Variants in CD8B observed in about 807,000 individuals in gnomAD.
CD8B encodes T-cell surface glycoprotein CD8 beta chain.
In CD8B, 6 loss-of-function variants were observed where a neutral mutation model predicts 24.2. The observed-to-expected ratio is 0.25, with a 90% CI of 0.14 to 0.49. The LOEUF is 0.49. Among genes scored for constraint, CD8B ranks in the 20% least tolerant of loss-of-function variants. The pLI, the probability that CD8B is intolerant of heterozygous loss-of-function variation, is 0.98. For synonymous variants in CD8B, 84 were observed against 108.3 expected (o/e 0.78, Z 1.39); for missense variants, 196 against 271.3 (o/e 0.72, Z 1.95).
intron 4 of CD8B, among the ~76,000 whole-genome samples, chr2:86,845,922 A>G (rs1675650644): frequency 1.3e-5 from 2 of 152,160 alleles, no homozygotes; most frequent in Admixed American, 1.3e-4. Context: ...GTGACCTACA[A>G]AAGTTAAGAG....
downstream of CD8B, among the ~76,000 whole-genome samples, chr2:86,835,846 C>T (rs990859475): frequency 7.9e-5 from 12 of 151,014 alleles, no homozygotes; most frequent in East Asian, 1.2e-3. Flanking sequence ...CTGGTCTGTC[C>T]GGGGCTGGCA....
intron 1 of CD8B, among the ~76,000 whole-genome samples, chr2:86,861,219 G>A (rs1004781542): frequency 2.0e-5 from 3 of 152,016 alleles, no homozygotes; most frequent in African/African-American, 7.2e-5. Flanking sequence ...TATTCAGAAG[G>A]ACAATCCAGA....
chr2:86,857,850 G>A (rs1676349969), intron 2 of CD8B, among the ~76,000 whole-genome samples: 1 of 152,186 alleles, frequency 6.6e-6, no homozygotes, highest in African/African-American at 2.4e-5. Context: ...TTCCAGGGTG[G>A]TTGGCAGCAT....
chr2:86,837,148 C>A (rs546635647), downstream of CD8B, among the ~76,000 whole-genome samples: 1 of 152,330 alleles, frequency 6.6e-6, no homozygotes, highest in East Asian at 1.9e-4. Context: ...CAGAGCAACA[C>A]CCTGTCTCAA....
chr2:86,855,111 C>T (rs1023673713), intron 2 of CD8B, among the ~76,000 whole-genome samples: 2 of 148,630 alleles, frequency 1.3e-5, no homozygotes, highest in African/African-American at 5.0e-5. Context: ...ACAGTGACTC[C>T]GTCTCAAAAA....
At chr2:86,820,661 T>C (rs1235649016) in intron 5 of CD8B, among the ~76,000 whole-genome samples, 3 of 152,230 alleles carry the variant, frequency 2.0e-5, no homozygotes, top group African/African-American at 7.2e-5. Flanking sequence ...ATTTGCTTTA[T>C]TGTGGTGGTC....
intron 5 of CD8B, chr2:86,843,699 G>T (rs1001114027): frequency 1.0e-6 from 1 of 985,196 alleles, no homozygotes; most frequent in African/African-American, 1.7e-5. Context: ...TTACTGAAGT[G>T]ACTTGAGCTT....
At chr2:86,843,988 A>G (rs1472448724) in intron 5 of CD8B, among the ~76,000 whole-genome samples, 1 of 152,210 alleles carries the variant, frequency 6.6e-6, no homozygotes, top group African/African-American at 2.4e-5. Flanking sequence ...ATTTCTGTAT[A>G]GAGGGGGTTG....
intron 1 of CD8B, 81 bp downstream of exon 1, chr2:86,861,742 G>A: frequency 5.5e-6 from 6 of 1,093,160 alleles, no homozygotes; most frequent in Admixed American, 4.2e-5. Context: ...CCAGGACCAG[G>A]GCCAGGACAG....
intron 4 of CD8B, among the ~76,000 whole-genome samples, chr2:86,846,479 G>A (rs1298905376): frequency 6.6e-6 from 1 of 152,142 alleles, no homozygotes; most frequent in Non-Finnish European, 1.5e-5. Flanking sequence ...TCAAACCCAG[G>A]TTTGCCTGAC....
At chr2:86,849,588 T>C (rs1675870746) in intron 3 of CD8B, among the ~76,000 whole-genome samples, 2 of 152,134 alleles carry the variant, frequency 1.3e-5, no homozygotes, top group Admixed American at 1.3e-4. Flanking sequence ...GGAAACCTTC[T>C]AAAACTAGAT....
At chr2:86,856,629 G>A (rs1676277112) in intron 2 of CD8B, among the ~76,000 whole-genome samples, 1 of 152,020 alleles carries the variant, frequency 6.6e-6, no homozygotes, top group Non-Finnish European at 1.5e-5. Context: ...TGAGCAGGAA[G>A]CAGGGCAGTG....
rs959584271 is a variant in CD8B at position 86,841,498 on chromosome 2, A to G, written c.*809T>C. 1.5e-6 allele frequency: 1 copy of G among 674,320 alleles called. No homozygotes were observed. Among genetic ancestry groups the G allele is most frequent in the African/African-American group, 2.0e-5 (1 of 49,622 alleles). 41.8% of individuals were successfully genotyped at this position (674,320 alleles called of 1,614,324 possible). On this transcript the variant is annotated 3_prime_UTR_variant, in exon 6 of 6. Transcript: ENST00000390655. ...TCAGGTGCAAAAGGAGGATGTACAA[A>G]TTTTCTCCTTCTGGTTTCTGTTCCA...
intron 5 of CD8B, among the ~76,000 whole-genome samples, chr2:86,829,280 G>A (rs1674816733): frequency 6.6e-6 from 1 of 151,330 alleles, no homozygotes. Context: ...CTAATTTTTT[G>A]CATTTTAGTA....
Position 86,858,403 on chromosome 2 carries a change from G to A in CD8B, c.57C>T (p.Asn19=). Residue 19 remains asparagine (N), a synonymous_variant, in exon 2 of 6, where the codon AAC becomes AAT. Transcript: ENST00000390655. ...ATGCAGGGGTCTGCTGGAGGACTGA[G>A]TTGCCATGGAGAACTAGGAAAAGCC... ...LAAQLTVLHG[N]SVLQQTPAYI... is the part of the protein sequence containing the mutation. The A allele has an allele frequency of 1.3e-6, 2 of 1,591,622 alleles. No individual in the cohort carries two copies. The highest frequency in any genetic ancestry group is 1.7e-6 in the Non-Finnish European group (2 of 1,166,144).
At chr2:86,822,621 A>G (rs956745380) in intron 5 of CD8B, among the ~76,000 whole-genome samples, 1 of 152,376 alleles carries the variant, frequency 6.6e-6, no homozygotes, top group East Asian at 1.9e-4. Context: ...TTTTTAAAAC[A>G]TTAGAAGAAA....
In CD8B at chr2:86,839,024, C is replaced by G. The variant is rs549690035; in HGVS notation, c.*3283G>C. ...AATGCTCACCTTCAAACCTCATGCTCCCTCCTAATGACCACCACTGGACCA... is the reference window on the plus strand; with the variant it reads ...AATGCTCACCTTCAAACCTCATGCTGCCTCCTAATGACCACCACTGGACCA... On this transcript the variant is annotated 3_prime_UTR_variant, in exon 6 of 6. Coordinates refer to ENST00000390655, the MANE Select transcript of CD8B (RefSeq NM_004931.5). Among the ~76,000 whole-genome samples, 153 of 152,330 alleles carry G rather than the reference C, an allele frequency of 1.0e-3. No individual in the cohort carries two copies. Among genetic ancestry groups the G allele is most frequent in the Middle Eastern group, 3.4e-3 (1 of 294 alleles).
intron 5 of CD8B, among the ~76,000 whole-genome samples, chr2:86,829,095 CTTTTTT>C (rs746569858): frequency 4.8e-5 from 4 of 82,992 alleles, no homozygotes; most frequent in Admixed American, 1.9e-4. Flanking sequence ...ATGCTCTTTA[CTTTTTT>C]TTTTTTTTTT....
At chr2:86,856,651 G>A (rs1573527101) in intron 2 of CD8B, among the ~76,000 whole-genome samples, 1 of 151,808 alleles carries the variant, frequency 6.6e-6, no homozygotes, top group South Asian at 2.1e-4. Context: ...GAGCCCTGGA[G>A]GGGGTTGGCT....
Sources: allele counts gnomAD v4.1 joint callset (sites outside exome capture counted in the v4.1 genomes callset), GRCh38; gene constraint gnomAD v4.1.1; transcripts MANE v1.5; gene names NCBI Gene and HGNC (gene_info 2026-07-23, HGNC 2026-07-21).